The following ADARB1 variants were observed in gnomAD, a reference collection of about 807,000 sequenced individuals.
ADARB1 encodes the protein adenosine deaminase RNA specific B1.
A neutral mutation model predicts 52.4 loss-of-function variants in ADARB1; 10 were observed. That is an observed-to-expected ratio of 0.19 (90% CI 0.12 to 0.32). The LOEUF is 0.32. ADARB1 is among the 10% of genes least tolerant of loss of function. The probability of loss-of-function intolerance (pLI) is 1.00; values close to 1 mark genes in which losing one functional copy is unlikely to be tolerated. For missense variants in ADARB1, 643 were observed against 922.3 expected (o/e 0.70, Z 3.92); for synonymous variants, 349 against 371.1 (o/e 0.94, Z 0.68).
At chr21:45,189,180 A>G (rs1223412629) in intron 8 of ADARB1, among the ~76,000 whole-genome samples, 1 of 152,056 alleles carries the variant, frequency 6.6e-6, no homozygotes, top group African/African-American at 2.4e-5. Context: ...AACCATATCT[A>G]TAGGATTCTC....
In ADARB1 at chr21:45,176,284, A is replaced by G. The variant is rs2091692056; in HGVS notation, c.583A>G (p.Asn195Asp). The G allele has an allele frequency of 1.2e-6, 2 of 1,614,200 alleles. No homozygotes were observed. Among genetic ancestry groups the G allele is most frequent in the Non-Finnish European group, 8.5e-7 (1 of 1,180,028 alleles). Residue 195 changes from asparagine to aspartate, a missense_variant, in exon 4 of 11, where the codon AAT (asparagine) becomes GAT (aspartate). Physicochemically the swap from Asn to Asp is conservative, Grantham distance 23. Coordinates refer to ENST00000348831, the MANE Select transcript of ADARB1 (RefSeq NM_001112.4). The surrounding 1 kb of genome is among the most constrained non-coding windows in gnomAD (Gnocchi z 5.8). ...GGAGCCTCCCTTTTACGTGGGCTCC[A>G]ATGGGGATGACTCCTTCAGTTCCAG... ...KAEPPFYVGSNGDDSFSSSGD... is the reference protein window; with the variant it reads ...KAEPPFYVGSDGDDSFSSSGD...
At chr21:45,195,926 A>C (rs921456767) in intron 8 of ADARB1, among the ~76,000 whole-genome samples, 1 of 152,186 alleles carries the variant, frequency 6.6e-6, no homozygotes, top group African/African-American at 2.4e-5. Context: ...GGAACAGTTC[A>C]TCAATATCTA....
At chr21:45,108,744 GGA>G (rs2087372604) in intron 1 of ADARB1, among the ~76,000 whole-genome samples, 3 of 80,702 alleles carry the variant, frequency 3.7e-5, no homozygotes, top group South Asian at 4.2e-4. Flanking sequence ...TATTCATTAT[GGA>G]TTTCATAAGT....
intron 1 of ADARB1, among the ~76,000 whole-genome samples, chr21:45,097,364 C>G (rs1427461413): frequency 6.6e-6 from 1 of 152,026 alleles, no homozygotes; most frequent in African/African-American, 2.4e-5. Flanking sequence ...AATTTGAAAA[C>G]TAGTCAGGAG....
chr21:45,083,003 G>A (rs2086210735), intron 1 of ADARB1, among the ~76,000 whole-genome samples: 1 of 152,172 alleles, frequency 6.6e-6, no homozygotes, highest in African/African-American at 2.4e-5. Flanking sequence ...TCACTTCAGT[G>A]TTCATGCACC....
intron 2 of ADARB1, 23 bp from the exon 3 acceptor site, chr21:45,171,587 G>A (rs1229481955): frequency 6.8e-7 from 1 of 1,460,928 alleles, no homozygotes; most frequent in South Asian, 1.2e-5. Context: ...CACACTAAAT[G>A]CTATTTTCTT....
At chr21:45,127,720 C>T (rs1040272499) in intron 1 of ADARB1, among the ~76,000 whole-genome samples, 1 of 152,162 alleles carries the variant, frequency 6.6e-6, no homozygotes, top group Non-Finnish European at 1.5e-5. Flanking sequence ...CCTGGACACA[C>T]CTCCCAGAGA....
At chr21:45,135,758 G>A (rs927190893) in intron 2 of ADARB1, among the ~76,000 whole-genome samples, 3 of 152,102 alleles carry the variant, frequency 2.0e-5, no homozygotes, top group African/African-American at 4.8e-5. Flanking sequence ...AAAAACATAT[G>A]AAGTGTAGAA....
chr21:45,221,343 C>T lies in ADARB1; in HGVS notation c.1926+329C>T, dbSNP rs769741050. Among the ~76,000 whole-genome samples the T allele has an allele frequency of 5.3e-5, 8 of 152,236 alleles. No homozygotes were observed. The highest frequency in any genetic ancestry group is 1.2e-4 in the Non-Finnish European group (8 of 68,042). On this transcript the variant is annotated intron_variant, in intron 10 of 10. Coordinates refer to ENST00000348831, the MANE Select transcript of ADARB1 (RefSeq NM_001112.4). The surrounding 1 kb of genome is among the most constrained non-coding windows in gnomAD (Gnocchi z 4.9). ...GCAGGGCCAGTCACCCTGCTGTCCC[C>T]TCCTTCTCAGCAACATAAAAATTGC...
chr21:45,143,127 C>T (rs547599430), intron 2 of ADARB1, among the ~76,000 whole-genome samples: 1 of 152,278 alleles, frequency 6.6e-6, no homozygotes, highest in African/African-American at 2.4e-5. Flanking sequence ...TTTCCTGTGC[C>T]CTCTGCTTCG....
At chr21:45,081,966 C>T (rs1158570258) in intron 1 of ADARB1, among the ~76,000 whole-genome samples, 1 of 152,180 alleles carries the variant, frequency 6.6e-6, no homozygotes, top group Non-Finnish European at 1.5e-5. Flanking sequence ...TGGGTTGGCA[C>T]TGTTGCCATG....
intron 9 of ADARB1, among the ~76,000 whole-genome samples, chr21:45,206,060 A>G (rs1394237835): frequency 1.3e-5 from 2 of 152,210 alleles, no homozygotes; most frequent in Admixed American, 6.5e-5. Flanking sequence ...AATAGATAAA[A>G]CTTGATGGTA....
intron 9 of ADARB1, among the ~76,000 whole-genome samples, chr21:45,210,799 G>T (rs1257127661): frequency 1.3e-5 from 2 of 152,256 alleles, no homozygotes; most frequent in African/African-American, 4.8e-5. Context: ...GTGCCTTGGG[G>T]CTCCCCCAGG....
At chr21:45,203,093 CT>C (rs1215005237) in intron 8 of ADARB1, among the ~76,000 whole-genome samples, 1 of 152,248 alleles carries the variant, frequency 6.6e-6, no homozygotes, top group Non-Finnish European at 1.5e-5. Flanking sequence ...AGCCCCTCCC[CT>C]GAGACACTCC....
chr21:45,090,978 T>G (rs559274205), intron 1 of ADARB1, among the ~76,000 whole-genome samples: 1 of 152,380 alleles, frequency 6.6e-6, no homozygotes, highest in South Asian at 2.1e-4. Context: ...TAACCTTTCT[T>G]AAATGTTGGG....
Position 45,176,048 on chromosome 21 carries a change from A to G in ADARB1, c.347A>G (p.Asn116Ser). 6.2e-7 allele frequency: 1 copy of G among 1,614,172 alleles called. No individual in the cohort carries two copies. Among genetic ancestry groups the G allele is most frequent in the Non-Finnish European group, 8.5e-7 (1 of 1,180,020 alleles). Reference sequence around the variant, plus strand: ...TTGTTTGTCATGTCTGTGGAGGTGAATGGCCAGGTTTTTGAGGGCTCTGGT... The same window carrying G: ...TTGTTTGTCATGTCTGTGGAGGTGAGTGGCCAGGTTTTTGAGGGCTCTGGT... ...APLFVMSVEV[N>S]GQVFEGSGPT... The change falls in exon 4 of 11, where the codon AAT (asparagine) becomes AGT (serine). Residue 116 changes from asparagine (N) to serine (S), a missense_variant. Around this residue, in one of 2 missense-constraint regions of ADARB1, gnomAD observed 380 missense variants for 446.5 expected, o/e 0.85. Transcript: ENST00000348831. This position sits in a 1 kb window ranked among gnomAD's most constrained non-coding sequence, Gnocchi z 5.8.
intron 1 of ADARB1, among the ~76,000 whole-genome samples, chr21:45,114,677 A>G (rs1054842968): frequency 2.0e-5 from 3 of 152,262 alleles, no homozygotes; most frequent in African/African-American, 7.2e-5. Context: ...TCACCTTAAC[A>G]TTGTCATCAT....
At chr21:45,087,618 G>T (rs2086398138) in intron 1 of ADARB1, among the ~76,000 whole-genome samples, 1 of 152,164 alleles carries the variant, frequency 6.6e-6, no homozygotes, top group South Asian at 2.1e-4. Context: ...CCAGGTCATA[G>T]GTGGGGTGCA....
rs1462844793 is a variant in ADARB1, at chr21:45,223,357, C to T, written c.*1160C>T. The stretch of plus-strand genomic sequence containing the variant: ...TGACAGTCCTGACGGGAGCTCAGGG[C>T]TGCCCAGCGCCCAGCGTGCACGGGA... On this transcript the variant is annotated 3_prime_UTR_variant, in exon 11 of 11. Transcript: ENST00000348831. 3.0e-6 allele frequency: 3 copies of T among 985,456 alleles called. No homozygotes were observed. Among genetic ancestry groups the T allele is most frequent in the Non-Finnish European group, 3.6e-6 (3 of 830,016 alleles). The allele number at this position is 985,456 out of a possible 1,614,324, so 61.0% of individuals were successfully genotyped here.
Sources: allele counts gnomAD v4.1 joint callset (sites outside exome capture counted in the v4.1 genomes callset), GRCh38; gene constraint gnomAD v4.1.1; regional missense constraint gnomAD v4.1.1; non-coding constraint Gnocchi (gnomAD v3.1); transcripts MANE v1.5; gene names NCBI Gene and HGNC (gene_info 2026-07-23, HGNC 2026-07-21).